FGF14: variants seen among roughly 807,000 people sequenced by gnomAD.
FGF14 encodes fibroblast growth factor homologous factor 4.
A neutral mutation model predicts 25.5 loss-of-function variants in FGF14; 5 were observed. The observed-to-expected ratio is 0.20, with a 90% CI of 0.10 to 0.41. The LOEUF is 0.41. Among genes scored for constraint, FGF14 ranks in the 10% least tolerant of loss-of-function variants. FGF14 has a pLI of 1.00. For missense variants in FGF14, 222 were observed against 320.1 expected (o/e 0.69, Z 2.34); for synonymous variants, 138 against 118.3 (o/e 1.17, Z -1.08).
chr13:101,946,772 A>T (rs2476216), intron 1 of FGF14, among the ~76,000 whole-genome samples: 72,707 of 152,118 alleles, frequency 0.48, 21,500 homozygotes, highest in African/African-American at 0.82. Context: ...CTAGGTCACA[A>T]GGCTGATGTT....
intron 1 of FGF14, among the ~76,000 whole-genome samples, chr13:102,255,364 C>T (rs1225524583): frequency 6.6e-6 from 1 of 152,120 alleles, no homozygotes; most frequent in East Asian, 1.9e-4. Context: ...AAATAAATAG[C>T]ATTTTTACCC....
intron 1 of FGF14, among the ~76,000 whole-genome samples, chr13:101,892,236 G>C (rs1171531304): frequency 6.6e-6 from 1 of 151,918 alleles, no homozygotes; most frequent in African/African-American, 2.4e-5. Context: ...TTCCCCTAAG[G>C]AAAAGTGCCT....
At chr13:101,831,522 A>G (rs1033182688) in intron 3 of FGF14, among the ~76,000 whole-genome samples, 6 of 152,130 alleles carry the variant, frequency 3.9e-5, no homozygotes, top group African/African-American at 1.4e-4. Flanking sequence ...ACACTGCAAC[A>G]TACATTCAGG....
rs1203500042 is a variant in FGF14, at chr13:101,714,695, G to C, written c.*8136C>G. 1.6e-6 allele frequency: 1 copy of C among 620,304 alleles called. No homozygotes were observed. 38.4% of individuals were successfully genotyped at this position (620,304 alleles called of 1,614,324 possible). On this transcript the variant is annotated 3_prime_UTR_variant, in exon 5 of 5. Transcript: ENST00000376143. ...TCTACCAAAGGCGAAGTGGGCATTT[G>C]GGAAAAAGCCCTCACAAAAGCCTCA...
chr13:101,901,191 G>C (rs1289854463), intron 1 of FGF14, among the ~76,000 whole-genome samples: 3 of 151,030 alleles, frequency 2.0e-5, no homozygotes, highest in Admixed American at 6.6e-5. Flanking sequence ...TATAAAGAAA[G>C]TCTTTCTGAA....
At chr13:102,197,025 G>A (rs2140857671) in intron 1 of FGF14, among the ~76,000 whole-genome samples, 1 of 151,830 alleles carries the variant, frequency 6.6e-6, no homozygotes, top group East Asian at 1.9e-4. Context: ...CAATGATAAG[G>A]AGAGAAAATA....
chr13:102,213,131 A>G (rs1413086), intron 1 of FGF14, among the ~76,000 whole-genome samples: 124,978 of 152,180 alleles, frequency 0.82, 51,951 homozygotes, highest in African/African-American at 0.95. Flanking sequence ...CCTGCAGCCA[A>G]CATTTACCCC....
At chr13:102,181,200 T>C (rs1226730631) in intron 1 of FGF14, among the ~76,000 whole-genome samples, 2 of 152,184 alleles carry the variant, frequency 1.3e-5, no homozygotes, top group East Asian at 3.9e-4. Context: ...TTTAAAAGAT[T>C]TTCAGTGTTC....
chr13:102,014,873 G>A (rs1453623550), intron 1 of FGF14, among the ~76,000 whole-genome samples: 1 of 152,170 alleles, frequency 6.6e-6, no homozygotes, highest in Middle Eastern at 3.2e-3. Context: ...TATGGTTGAA[G>A]TCTAGATTCA....
chr13:101,711,374 C>A lies in FGF14; in HGVS notation c.*11457G>T. On this transcript the variant is annotated 3_prime_UTR_variant, in exon 5 of 5. Transcript: ENST00000376143. ...AAGAAGTCCAGCATACACACACACT[C>A]ACCCACCCACAACCTGTCCCACATC... The A allele has an allele frequency of 6.6e-6, 1 of 152,472 alleles. No individual in the cohort carries two copies. The highest frequency in any genetic ancestry group is 1.5e-5 in the Non-Finnish European group (1 of 68,034). 9.4% of individuals were successfully genotyped at this position (152,472 alleles called of 1,614,324 possible).
rs900319979 is a variant in FGF14 at position 102,109,271 on chromosome 13, G to T, written c.209-233975C>A. Among the ~76,000 whole-genome samples the T allele has an allele frequency of 2.0e-5, 3 of 152,304 alleles. No homozygotes were observed. The East Asian group carries it at 5.8e-4, about 29-fold the overall frequency. ...GTAATTACCAGGGATTGGCTGGGGG[G>T]TGGTCCTGGGGAGGTTTTGGTCAAA... On this transcript the variant is annotated intron_variant, in intron 1 of 4. Coordinates refer to the FGF14 transcript ENST00000376131.
chr13:101,770,929 A>C (rs1263197982), intron 3 of FGF14, among the ~76,000 whole-genome samples: 1 of 152,062 alleles, frequency 6.6e-6, no homozygotes, highest in Non-Finnish European at 1.5e-5. Flanking sequence ...AAATGCACAG[A>C]TTTAAAACTA....
rs560633449 is a variant in FGF14, at chr13:102,286,912, T to C, written c.208+114559A>G. On this transcript the variant is annotated intron_variant, in intron 1 of 4. Transcript: ENST00000376131. ...GCCTAGTGAGAATACATTGCATCCCTGGTCATTCCCTCCCTATCTTTGACA... is the reference window on the plus strand; with the variant it reads ...GCCTAGTGAGAATACATTGCATCCCCGGTCATTCCCTCCCTATCTTTGACA... Among the ~76,000 whole-genome samples, 18 of 152,104 alleles carry C rather than the reference T, an allele frequency of 1.2e-4. 1 individual carries two copies. The highest frequency in any genetic ancestry group is 4.3e-4 in the African/African-American group (18 of 41,492).
At chr13:101,919,560 T>C (rs2033841977), upstream of FGF14, among the ~76,000 whole-genome samples, 1 of 151,748 alleles carries the variant, frequency 6.6e-6, no homozygotes. Context: ...AGGAGGTCAG[T>C]TTTTGGCCCT....
At chr13:102,115,027 T>C (rs1274146545) in intron 1 of FGF14, among the ~76,000 whole-genome samples, 4 of 152,178 alleles carry the variant, frequency 2.6e-5, no homozygotes, top group Admixed American at 1.3e-4. Context: ...AAAGGCTGAA[T>C]TGGACAGATG....
At chr13:101,970,678 G>A (rs1302316206) in intron 1 of FGF14, among the ~76,000 whole-genome samples, 4 of 152,122 alleles carry the variant, frequency 2.6e-5, no homozygotes, top group African/African-American at 4.8e-5. Context: ...TGCTCTAAAC[G>A]CCTTCCTTGG....
At chr13:101,915,279 G>A (rs947168988) in intron 1 of FGF14, among the ~76,000 whole-genome samples, 1 of 152,174 alleles carries the variant, frequency 6.6e-6, no homozygotes, top group Non-Finnish European at 1.5e-5. Context: ...ATTTGCAAAT[G>A]TAAGGACACG....
intron 1 of FGF14, among the ~76,000 whole-genome samples, chr13:101,950,606 A>C (rs1449183401): frequency 2.0e-5 from 3 of 152,232 alleles, no homozygotes; most frequent in Admixed American, 2.0e-4. Context: ...TCTCAAAGAT[A>C]TCTGTTTGTG....
chr13:101,810,436 A>G (rs1465173629), intron 3 of FGF14, among the ~76,000 whole-genome samples: 6 of 152,222 alleles, frequency 3.9e-5, no homozygotes, highest in Non-Finnish European at 7.3e-5. Flanking sequence ...GGATAATACC[A>G]TAATTCACAT....
Sources: gnomAD v4.1 joint callset for allele counts (sites outside exome capture counted in the v4.1 genomes callset) on GRCh38, gnomAD v4.1.1 for gene constraint, MANE v1.5 for transcripts, NCBI Gene and HGNC (gene_info 2026-07-23, HGNC 2026-07-21) for gene names.